FA2H: variants seen among roughly 807,000 people sequenced by gnomAD.
FA2H encodes the protein fatty acid alpha-hydroxylase.
In FA2H, 22 loss-of-function variants were observed where a neutral mutation model predicts 44.9. The observed-to-expected ratio is 0.49, with a 90% CI of 0.35 to 0.70. FA2H has a LOEUF of 0.70. Among genes scored for constraint, FA2H ranks in the 30% least tolerant of loss-of-function variants. The pLI, the probability that FA2H is intolerant of heterozygous loss-of-function variation, is 0.01. For synonymous variants in FA2H, 243 were observed against 213.2 expected, an observed-to-expected ratio of 1.14 and a Z score of -1.22; for missense variants, 501 against 504.9, an observed-to-expected ratio of 0.99 and a Z score of 0.07.
chr16:74,727,665 G>T (rs561154256), intron 2 of FA2H, among the ~76,000 whole-genome samples: 1 of 152,326 alleles, frequency 6.6e-6, no homozygotes, highest in Admixed American at 6.5e-5. Context: ...AATCGGCAGG[G>T]CATGAGCCTG....
chr16:74,719,783 CA>C (rs1961788804), intron 4 of FA2H, among the ~76,000 whole-genome samples: 1 of 151,810 alleles, frequency 6.6e-6, no homozygotes, highest in African/African-American at 2.4e-5. Flanking sequence ...CTCAAACTCC[CA>C]GACTCAAGCA....
chr16:74,719,349 C>G (rs1467706936), intron 4 of FA2H, among the ~76,000 whole-genome samples, 189 bp from the exon 5 acceptor site: 1 of 152,186 alleles, frequency 6.6e-6, no homozygotes, highest in East Asian at 1.9e-4. Context: ...TGGTCTGGGT[C>G]TGGGAAGTCC....
intron 3 of FA2H, 143 bp downstream of exon 3, chr16:74,727,101 A>T: frequency 8.7e-7 from 1 of 1,154,176 alleles, no homozygotes; most frequent in Non-Finnish European, 1.3e-6. Context: ...AATTATTCCC[A>T]TGGCATGTTC....
At chr16:74,758,144 G>T (rs1475361296) in intron 1 of FA2H, among the ~76,000 whole-genome samples, 1 of 139,502 alleles carries the variant, frequency 7.2e-6, no homozygotes, top group Non-Finnish European at 1.5e-5. Context: ...TTTTTGAGAC[G>T]GAGTCTCGGA....
At chr16:74,748,328 T>C (rs1036504284) in intron 1 of FA2H, among the ~76,000 whole-genome samples, 1 of 152,226 alleles carries the variant, frequency 6.6e-6, no homozygotes, top group Admixed American at 6.5e-5. Flanking sequence ...GGAACAGCCC[T>C]GCCATCTCCA....
intron 4 of FA2H, 123 bp downstream of exon 4, chr16:74,726,102 C>T: frequency 1.4e-6 from 1 of 722,468 alleles, no homozygotes. Context: ...AGAGAGGCTT[C>T]ACCAAAAATG....
At chr16:74,729,957 G>A (rs1962041128) in intron 2 of FA2H, among the ~76,000 whole-genome samples, 1 of 152,132 alleles carries the variant, frequency 6.6e-6, no homozygotes, top group Admixed American at 6.5e-5. Context: ...AGCAAGGGCT[G>A]CACGTGGAAG....
At chr16:74,732,695 C>G (rs1423156042) in intron 2 of FA2H, among the ~76,000 whole-genome samples, 1 of 152,072 alleles carries the variant, frequency 6.6e-6, no homozygotes, top group Admixed American at 6.6e-5. Context: ...CTCGGCCTCC[C>G]AAAGTGCTGG....
chr16:74,735,753 G>A (rs1962168281), intron 2 of FA2H, among the ~76,000 whole-genome samples: 1 of 152,160 alleles, frequency 6.6e-6, no homozygotes, highest in Admixed American at 6.5e-5. Flanking sequence ...GGCCAAGGTG[G>A]GAGGATCACT....
chr16:74,769,555 A>G (rs1206779492), intron 1 of FA2H, among the ~76,000 whole-genome samples: 2 of 152,258 alleles, frequency 1.3e-5, no homozygotes, highest in African/African-American at 4.8e-5. Flanking sequence ...AGACTTATAC[A>G]ATCTGAAGAG....
At chr16:74,766,050 G>A (rs34007389) in intron 1 of FA2H, among the ~76,000 whole-genome samples, 4,877 of 152,256 alleles carry the variant, frequency 0.032, 204 homozygotes, top group East Asian at 0.19. Flanking sequence ...GCTCACACCT[G>A]TGATCCCAGC....
Position 74,716,148 on chromosome 16 carries a change from A to G in FA2H, c.1039+199T>C, listed in dbSNP as rs557531735. The stretch of plus-strand genomic sequence containing the variant: ...TTATTTTCTTTATGGCATTTATCAC[A>G]GTTTGAAATCTTTGCCATTTATTGA... On this transcript the variant is annotated intron_variant, in intron 6 of 6. Transcript: ENST00000219368. Among the ~76,000 whole-genome samples the G allele has an allele frequency of 2.0e-5, 3 of 152,154 alleles. No individual in the cohort carries two copies. The East Asian group carries it at 5.8e-4, about 29-fold the overall frequency.
intron 1 of FA2H, among the ~76,000 whole-genome samples, chr16:74,760,048 G>A (rs1962678756): frequency 6.6e-6 from 1 of 152,208 alleles, no homozygotes; most frequent in Non-Finnish European, 1.5e-5. Context: ...CCTCTTCCAT[G>A]TGTGATGGTA....
At chr16:74,748,497 G>A (rs991539259) in intron 1 of FA2H, among the ~76,000 whole-genome samples, 4 of 152,122 alleles carry the variant, frequency 2.6e-5, no homozygotes, top group African/African-American at 4.8e-5. Flanking sequence ...ATTGCTGGAC[G>A]GGCGGGGGGA....
intron 1 of FA2H, among the ~76,000 whole-genome samples, chr16:74,757,797 G>A (rs1240140073): frequency 6.6e-6 from 1 of 152,020 alleles, no homozygotes; most frequent in Non-Finnish European, 1.5e-5. Context: ...TGGGTGGATT[G>A]TTTCAGCCCA....
chr16:74,774,572 G>A lies in FA2H; in HGVS notation c.184C>T (p.Leu62=), dbSNP rs748204186. The change falls in exon 1 of 7, where the codon CTG becomes TTG. Residue 62 remains leucine (L), a synonymous_variant. Coordinates refer to ENST00000219368, the MANE Select transcript of FA2H (RefSeq NM_024306.5). ...ARAGQDISAD[L]DGPPHRHSAN... Reference sequence around the variant, plus strand: ...GAGTGCCTGTGCGGCGGCCCGTCCAGGTCGGCGCTGATGTCCTGGCCCGCC... The same window carrying A: ...GAGTGCCTGTGCGGCGGCCCGTCCAAGTCGGCGCTGATGTCCTGGCCCGCC... 6.5e-7 allele frequency: 1 copy of A among 1,540,354 alleles called. No homozygotes were observed. Among genetic ancestry groups the A allele is most frequent in the East Asian group, 2.5e-5 (1 of 39,314 alleles).
intron 1 of FA2H, among the ~76,000 whole-genome samples, chr16:74,763,598 T>C (rs1037245682): frequency 1.3e-5 from 2 of 152,208 alleles, no homozygotes; most frequent in African/African-American, 4.8e-5. Context: ...TAGAGATCCC[T>C]AAAAACTCTA....
At chr16:74,748,099 C>A (rs1962459293) in intron 1 of FA2H, among the ~76,000 whole-genome samples, 2 of 152,080 alleles carry the variant, frequency 1.3e-5, no homozygotes. Flanking sequence ...GGGGGACAGG[C>A]ATTCAAATAG....
In FA2H at chr16:74,750,271, G is replaced by A. The variant is rs148159963; in HGVS notation, c.271-10156C>T. On this transcript the variant is annotated intron_variant, in intron 1 of 6. Coordinates refer to ENST00000219368, the MANE Select transcript of FA2H (RefSeq NM_024306.5). The stretch of plus-strand genomic sequence containing the variant: ...TATTATCTCCTCACTGACCCAACTA[G>A]TATAATAAAACAAATTTCAGATCTA... Among the ~76,000 whole-genome samples, 1,009 of 152,132 alleles carry A rather than the reference G, an allele frequency of 6.6e-3. 5 individuals are homozygous for A. Among genetic ancestry groups the A allele is most frequent in the East Asian group, 0.02 (101 of 5,178 alleles).
Sources: allele counts gnomAD v4.1 joint callset (sites outside exome capture counted in the v4.1 genomes callset), GRCh38; gene constraint gnomAD v4.1.1; transcripts MANE v1.5; gene names NCBI Gene and HGNC (gene_info 2026-07-23, HGNC 2026-07-21).